Variants in MYO1E observed in about 807,000 individuals in gnomAD.
MYO1E encodes myosin IE, also known as unconventional myosin-Ie.
A neutral mutation model predicts 151.1 loss-of-function variants in MYO1E; 68 were observed. The observed-to-expected ratio is 0.45, with a 90% CI of 0.37 to 0.55. The LOEUF (loss-of-function observed/expected upper bound fraction) is 0.55. Among genes scored for constraint, MYO1E ranks in the 20% least tolerant of loss-of-function variants. The pLI, the probability that MYO1E is intolerant of heterozygous loss-of-function variation, is 0.00. For synonymous variants in MYO1E, 601 were observed against 501.7 expected, an observed-to-expected ratio of 1.20 and a Z score of -2.64; for missense variants, 1,363 against 1,389.3, an observed-to-expected ratio of 0.98 and a Z score of 0.30.
At chr15:59,229,468 C>T (rs2080012505) in intron 6 of MYO1E, among the ~76,000 whole-genome samples, 1 of 152,124 alleles carries the variant, frequency 6.6e-6, no homozygotes, top group African/African-American at 2.4e-5. Flanking sequence ...AAAAGGTTAA[C>T]ATATTTAGGA....
At chr15:59,212,143 G>A (rs1319496186) in intron 12 of MYO1E, among the ~76,000 whole-genome samples, 1 of 151,968 alleles carries the variant, frequency 6.6e-6, no homozygotes, top group Non-Finnish European at 1.5e-5. Flanking sequence ...CTCTTACTTG[G>A]TTGTTTTGCT....
intron 26 of MYO1E, among the ~76,000 whole-genome samples, chr15:59,144,990 T>C (rs557306868): frequency 6.6e-6 from 1 of 152,096 alleles, no homozygotes; most frequent in East Asian, 1.9e-4. Context: ...ACTACAGGCA[T>C]GCACCACCAT....
intron 3 of MYO1E, among the ~76,000 whole-genome samples, chr15:59,259,662 T>A (rs2080214211): frequency 6.6e-6 from 1 of 152,194 alleles, no homozygotes; most frequent in Non-Finnish European, 1.5e-5. Flanking sequence ...CTATGGGCAG[T>A]GGGGGAAAGT....
intron 26 of MYO1E, among the ~76,000 whole-genome samples, chr15:59,150,576 G>A (rs1596342342): frequency 6.6e-6 from 1 of 152,172 alleles, no homozygotes; most frequent in East Asian, 1.9e-4. Context: ...CCTACTTTGA[G>A]GCATCAAACT....
At chr15:59,177,746 C>G (rs2079633540) in intron 19 of MYO1E, among the ~76,000 whole-genome samples, 1 of 152,250 alleles carries the variant, frequency 6.6e-6, no homozygotes, top group Non-Finnish European at 1.5e-5. Flanking sequence ...GAAGCTGTAG[C>G]AGACTGTTTG....
chr15:59,343,001 T>G (rs1463476819), intron 1 of MYO1E, among the ~76,000 whole-genome samples: 1 of 152,220 alleles, frequency 6.6e-6, no homozygotes, highest in African/African-American at 2.4e-5. Context: ...TTTTATGGGT[T>G]CATCCTTTCA....
At chr15:59,270,119 T>C (rs1405324637) in intron 2 of MYO1E, among the ~76,000 whole-genome samples, 3 of 152,190 alleles carry the variant, frequency 2.0e-5, no homozygotes, top group Non-Finnish European at 4.4e-5. Context: ...AGAAGTTATA[T>C]AAGTAAATAA....
rs779807373 is a variant in MYO1E at position 59,161,188 on chromosome 15, A to C, written c.2670T>G (p.Ser890Arg). The change falls in exon 24 of 28, where the codon AGT becomes AGG. Residue 890 changes from serine to arginine, a missense_variant. Physicochemically the swap from Ser to Arg is moderately radical, Grantham distance 110. Coordinates refer to ENST00000288235, the MANE Select transcript of MYO1E (RefSeq NM_004998.4). The stretch of plus-strand genomic sequence containing the variant: ...ACTGCACTTGCCGGGAGCCCCCTGC[A>C]CTCCAGGGGCCCCAGTTTTCCTTTT... ...KLKKENWGPW[S>R]AGGSRQVQFH... 32 of 1,613,696 alleles carry C rather than the reference A, an allele frequency of 2.0e-5. No individual in the cohort carries two copies. Among genetic ancestry groups the C allele is most frequent in the Non-Finnish European group, 2.5e-5 (30 of 1,179,890 alleles).
chr15:59,237,303 C>T (rs1167951363), intron 4 of MYO1E, among the ~76,000 whole-genome samples: 2 of 152,170 alleles, frequency 1.3e-5, no homozygotes, highest in Non-Finnish European at 2.9e-5. Flanking sequence ...ATGCAAGCTT[C>T]CTTATTTTAG....
At chr15:59,282,243 A>C (rs1438238295) in intron 1 of MYO1E, among the ~76,000 whole-genome samples, 1 of 152,162 alleles carries the variant, frequency 6.6e-6, no homozygotes, top group Non-Finnish European at 1.5e-5. Flanking sequence ...TTGTGTTCTC[A>C]CAAGTAGAAC....
At chr15:59,338,831 C>A (rs1182202638) in intron 1 of MYO1E, among the ~76,000 whole-genome samples, 1 of 152,268 alleles carries the variant, frequency 6.6e-6, no homozygotes, top group African/African-American at 2.4e-5. Flanking sequence ...GAAGAGTGCA[C>A]CCTATAAATA....
intron 4 of MYO1E, among the ~76,000 whole-genome samples, chr15:59,250,982 G>T (rs74020326): frequency 6.6e-6 from 1 of 152,184 alleles, no homozygotes; most frequent in Non-Finnish European, 1.5e-5. Flanking sequence ...GCAAGCTCAT[G>T]TAAGAAGACC....
chr15:59,360,985 T>A (rs1435438971), intron 1 of MYO1E, among the ~76,000 whole-genome samples: 9 of 152,214 alleles, frequency 5.9e-5, no homozygotes, highest in African/African-American at 2.2e-4. Context: ...ATAGCAAGCA[T>A]GACGCAAGCA....
In MYO1E at chr15:59,207,586, A is replaced by G. The variant is rs1304941355; in HGVS notation, c.1530+1095T>C. On this transcript the variant is annotated intron_variant, in intron 14 of 27. Transcript: ENST00000288235. ...TATTGGAAGCGGCTGTAATCTGGAT[A>G]CTGCTCGTTTTCGTTTCTTGATTGG... 3 of 1,614,152 alleles carry G rather than the reference A, an allele frequency of 1.9e-6. No homozygotes were observed. In the African/African-American group the frequency reaches 4.0e-5, roughly 22 times the overall value.
At chr15:59,347,372 A>T (rs2080800410) in intron 1 of MYO1E, among the ~76,000 whole-genome samples, 2 of 152,196 alleles carry the variant, frequency 1.3e-5, no homozygotes, top group South Asian at 4.1e-4. Context: ...GCTGTCTTCC[A>T]CGAAACCGGT....
rs1322676450 is a variant in MYO1E at position 59,230,066 on chromosome 15, A to T, written c.510+1636T>A. ...AACAATTGCCCAATCACTTTCCTGG[A>T]AGAATGTGTCAGTTCTCAACCAATA... On this transcript the variant is annotated intron_variant, in intron 6 of 27. Coordinates refer to ENST00000288235, the MANE Select transcript of MYO1E (RefSeq NM_004998.4). Among the ~76,000 whole-genome samples the T allele has an allele frequency of 2.0e-5, 3 of 152,356 alleles. No individual in the cohort carries two copies. In the East Asian group the frequency reaches 5.8e-4, roughly 29 times the overall value.
chr15:59,178,515 T>C lies in MYO1E; in HGVS notation c.1927A>G (p.Thr643Ala), dbSNP rs776231669. Residue 643 changes from threonine to alanine, a missense_variant, in exon 19 of 28, where the codon ACC becomes GCC. Thr to Ala is a moderately conservative substitution (Grantham distance 58). Transcript: ENST00000288235. ...TCCTCTCCCTGCCAAGAAGGCCAGG[T>C]GGCTTTGGTCAGAATGGCATACCTG... is the stretch of plus-strand genomic sequence containing the variant. ...LQRYAILTKATWPSWQGEEKQ... is the reference protein window; with the variant it reads ...LQRYAILTKAAWPSWQGEEKQ... 1 of 1,614,104 alleles carries C rather than the reference T, an allele frequency of 6.2e-7. No individual in the cohort carries two copies. The highest frequency in any genetic ancestry group is 1.1e-5 in the South Asian group (1 of 91,076).
intron 4 of MYO1E, among the ~76,000 whole-genome samples, chr15:59,239,827 G>A (rs1394783934): frequency 6.6e-6 from 1 of 152,120 alleles, no homozygotes; most frequent in Non-Finnish European, 1.5e-5. Flanking sequence ...TGGTGAGTTG[G>A]TCAAAATATG....
intron 3 of MYO1E, among the ~76,000 whole-genome samples, chr15:59,257,818 T>C (rs1198190045): frequency 6.6e-6 from 1 of 152,166 alleles, no homozygotes; most frequent in Admixed American, 6.5e-5. Context: ...TGCCTTAACC[T>C]TATGGTTAGG....
Sources: gnomAD v4.1 joint callset for allele counts (sites outside exome capture counted in the v4.1 genomes callset) on GRCh38, gnomAD v4.1.1 for gene constraint, MANE v1.5 for transcripts, NCBI Gene and HGNC (gene_info 2026-07-23, HGNC 2026-07-21) for gene names.